The following STK11IP variants were observed in gnomAD, a reference collection of about 807,000 sequenced individuals.
The protein encoded by STK11IP is serine/threonine kinase 11 interacting protein.
STK11IP carries 103 observed loss-of-function variants against 131.7 expected under a neutral mutation model. The observed-to-expected ratio is 0.78, with a 90% confidence interval of 0.67 to 0.92. The LOEUF is 0.92. Ranked by LOEUF, STK11IP falls within the 40% of genes least tolerant of loss-of-function variation. The probability of loss-of-function intolerance (pLI) is 0.00; values close to 1 mark genes in which losing one functional copy is unlikely to be tolerated. For missense variants in STK11IP, 1,315 were observed against 1,385.7 expected (o/e 0.95, Z 0.81); for synonymous variants, 557 against 575.6 (o/e 0.97, Z 0.46).
At chr2:219,602,325 G>A in intron 5 of STK11IP, 143 bp from the exon 6 acceptor site, 1 of 686,860 alleles carries the variant, frequency 1.5e-6, no homozygotes, top group Non-Finnish European at 2.5e-6. Flanking sequence ...GAGTTCTTGG[G>A]TCAGGGACCT....
rs1341709685 is a variant in STK11IP at position 219,606,245 on chromosome 2, C to A, written c.900C>A (p.Ala300=). 7.0e-6 allele frequency: 11 copies of A among 1,573,296 alleles called. No individual in the cohort carries two copies. In the East Asian group the frequency reaches 2.6e-4, roughly 37 times the overall value. The change falls in exon 10 of 25, where the codon GCC becomes GCA. Residue 300 remains alanine, a synonymous_variant. Coordinates refer to ENST00000456909, the MANE Select transcript of STK11IP (RefSeq NM_052902.4). ...PLWFHPEHRA[A]TAQYLSPRAR... is the part of the protein sequence containing the mutation. ...GGTTCCACCCTGAGCACCGAGCAGC[C>A]ACTGCCCAGTACTTGTCACCCCGGG...
chr2:219,608,936 A>G, intron 15 of STK11IP, 148 bp downstream of exon 15: 2 of 1,096,104 alleles, frequency 1.8e-6, no homozygotes, highest in African/African-American at 1.6e-5. Flanking sequence ...GCACTCGGGA[A>G]GCTGGGCTGA....
At position 219,602,068 on chromosome 2, in the gene STK11IP, C is replaced by T. The variant is rs1235777892; in HGVS notation, c.423C>T (p.Ser141=). 6.2e-7 allele frequency: 1 copy of T among 1,606,202 alleles called. No homozygotes were observed. The highest frequency in any genetic ancestry group is 8.5e-7 in the Non-Finnish European group (1 of 1,176,416). ...TGGAGACCCTGATTTGCAGCAGGAG[C>T]CTCCAGGCATTAGAGGTAAGGAGAG... is the stretch of plus-strand genomic sequence containing the variant. ...SQLETLICSR[S]LQALEELLSA... is the part of the protein sequence containing the mutation. Residue 141 remains serine, a synonymous_variant, in exon 5 of 25, where the codon AGC becomes AGT. Transcript: ENST00000456909.
chr2:219,602,294 C>T (rs1280128128), intron 5 of STK11IP, among the ~76,000 whole-genome samples, 174 bp from the exon 6 acceptor site: 3 of 152,202 alleles, frequency 2.0e-5, no homozygotes, highest in African/African-American at 7.2e-5. Context: ...CTAGTGTCTA[C>T]CTTCCCACTG....
rs759894302 is a variant in STK11IP at position 219,608,794 on chromosome 2, T to G, written c.1809+6T>G. 28 of 1,592,414 alleles carry G rather than the reference T, an allele frequency of 1.8e-5. No individual in the cohort carries two copies. The South Asian group carries it at 2.9e-4, about 17-fold the overall frequency. On this transcript the variant is annotated splice_donor_region_variant and intron_variant, in intron 15 of 24. Transcript: ENST00000456909. Reference sequence around the variant, plus strand: ...AGAGGTCGCCCAGGCCCACGGTGAGTGGGGCGTGGCAGGGTCTCTGGAGGA... The same window carrying G: ...AGAGGTCGCCCAGGCCCACGGTGAGGGGGGCGTGGCAGGGTCTCTGGAGGA...
At chr2:219,597,988 C>T (rs766490959) in intron 1 of STK11IP, 65 bp downstream of exon 1, 102 of 1,596,924 alleles carry the variant, frequency 6.4e-5, no homozygotes, top group South Asian at 1.4e-4. Context: ...CCTCTCTTTT[C>T]TTTCTCGCCT....
In STK11IP at chr2:219,608,583, C is replaced by T. The variant is rs777415481; in HGVS notation, c.1604C>T (p.Ala535Val). 16 of 1,588,258 alleles carry T rather than the reference C, an allele frequency of 1.0e-5. No homozygotes were observed. The highest frequency in any genetic ancestry group is 1.2e-5 in the Non-Finnish European group (14 of 1,165,804). ...GCCTTTTCTCTTGGTCTCTCCACAG[C>T]GGAACTCTGTCGCCCCTTGTTGGTG... ...EEEQDQKEVE[A>V]ELCRPLLVCP... The change falls in exon 15 of 25, where the codon GCG becomes GTG. Residue 535 changes from alanine to valine, a missense_variant and splice_region_variant. By Grantham distance (64) the Ala-to-Val change is moderately conservative. Coordinates refer to ENST00000456909, the MANE Select transcript of STK11IP (RefSeq NM_052902.4).
intron 11 of STK11IP, 45 bp from the exon 12 acceptor site, chr2:219,606,667 C>G: frequency 6.3e-7 from 1 of 1,594,096 alleles, no homozygotes; most frequent in Non-Finnish European, 8.6e-7. Context: ...GGCAGAGGTG[C>G]TCCCAGGCTC....
rs368869920 is a variant in STK11IP at position 219,611,278 on chromosome 2, C to T, written c.2105-326C>T. Among the ~76,000 whole-genome samples, 86 of 152,262 alleles carry T rather than the reference C, an allele frequency of 5.6e-4. 1 individual carries two copies. Among genetic ancestry groups the T allele is most frequent in the African/African-American group, 2.0e-3 (84 of 41,542 alleles). On this transcript the variant is annotated intron_variant, in intron 17 of 24. Transcript: ENST00000456909. The stretch of plus-strand genomic sequence containing the variant: ...ACGTTGCTAGGAGAGCCCTGAAGTA[C>T]TTGATCAGCCCAAGTCTGTAAGAGG...
chr2:219,605,606 A>G lies in STK11IP; in HGVS notation c.619-2A>G. ...TCTTTTTCTCCCCTGTACCCCTGCC[A>G]GGATTTGTGTGAGCTCCACCATCTG... On this transcript the variant is annotated splice_acceptor_variant, in intron 7 of 24. Coordinates refer to ENST00000456909, the MANE Select transcript of STK11IP (RefSeq NM_052902.4). LOFTEE classifies it high-confidence loss of function. 1 of 1,551,680 alleles carries G rather than the reference A, an allele frequency of 6.4e-7. No homozygotes were observed. Among genetic ancestry groups the G allele is most frequent in the Non-Finnish European group, 8.7e-7 (1 of 1,147,010 alleles).
intron 17 of STK11IP, among the ~76,000 whole-genome samples, chr2:219,611,000 G>T (rs1250343431): frequency 3.3e-5 from 5 of 152,212 alleles, no homozygotes; most frequent in Non-Finnish European, 7.3e-5. Context: ...GCCCATCACG[G>T]TGTAGCTGCT....
intron 7 of STK11IP, among the ~76,000 whole-genome samples, chr2:219,604,822 CT>C (rs1335382645): frequency 1.3e-5 from 2 of 150,162 alleles, no homozygotes; most frequent in African/African-American, 4.9e-5. Flanking sequence ...TGTCAGTGGA[CT>C]TTTTTCCTTT....
Position 219,611,813 on chromosome 2 carries a change from G to A in STK11IP, c.2314G>A (p.Gly772Ser). Residue 772 changes from glycine to serine, a missense_variant, in exon 18 of 25, where the codon GGT (glycine) becomes AGT (serine). Physicochemically the swap from Gly to Ser is moderately conservative, Grantham distance 56. Transcript: ENST00000456909. ...PPQAPSTRDH[G>S]SWSLSPPPER... ...TCAGGCACCGAGCACCCGTGACCAT[G>A]GTAGTTGGAGCCTCAGTCCCCGTGA... is the stretch of plus-strand genomic sequence containing the variant. The A allele has an allele frequency of 6.2e-7, 1 of 1,612,718 alleles. No homozygotes were observed.
rs781661765 is a variant in STK11IP, at chr2:219,608,247, G to A, written c.1420G>A (p.Glu474Lys). 1.2e-6 allele frequency: 2 copies of A among 1,613,476 alleles called. No individual in the cohort carries two copies. The highest frequency in any genetic ancestry group is 2.2e-5 in the East Asian group (1 of 44,882). Residue 474 changes from glutamate (E) to lysine (K), a missense_variant, in exon 14 of 25, where the codon GAG becomes AAG. Glu to Lys is a moderately conservative substitution (Grantham distance 56, BLOSUM62 1). Transcript: ENST00000456909. The part of the protein sequence containing the change: ...DTAPRPSPPQ[E>K]EARGPQESPQ... Reference sequence around the variant, plus strand: ...TGCACCCAGACCTTCACCCCCGCAGGAGGAAGCCAGAGGCCCCCAGGAGTC... The same window carrying A: ...TGCACCCAGACCTTCACCCCCGCAGAAGGAAGCCAGAGGCCCCCAGGAGTC...
rs1389253410 is a variant in STK11IP, at chr2:219,608,031, T to C, written c.1220-16T>C. On this transcript the variant is annotated splice_polypyrimidine_tract_variant and intron_variant, in intron 13 of 24. Transcript: ENST00000456909. Reference sequence around the variant, plus strand: ...TGGGGCAGGCTTGCTCAGTTCTGGGTTCCCCTCCTGCCTAGGATGGTTCGT... The same window carrying C: ...TGGGGCAGGCTTGCTCAGTTCTGGGCTCCCCTCCTGCCTAGGATGGTTCGT... 1 of 1,604,850 alleles carries C rather than the reference T, an allele frequency of 6.2e-7. No homozygotes were observed. Among genetic ancestry groups the C allele is most frequent in the East Asian group, 2.2e-5 (1 of 44,738 alleles).
intron 22 of STK11IP, 53 bp downstream of exon 22, chr2:219,614,295 G>A (rs867447827): frequency 6.2e-7 from 1 of 1,602,650 alleles, no homozygotes; most frequent in Non-Finnish European, 8.5e-7. Flanking sequence ...TCTTTCCACA[G>A]AGCCCCAGAC....
rs1466345564 is a variant in STK11IP at position 219,598,114 on chromosome 2, G to T, written c.-6G>T. On this transcript the variant is annotated 5_prime_UTR_variant, in exon 2 of 25. Coordinates refer to ENST00000456909, the MANE Select transcript of STK11IP (RefSeq NM_052902.4). ...CCCAGGCTCCGCCCCCCAGCGTCCC[G>T]TGGCCATGACGACCGCTCAGAGGGA... The T allele has an allele frequency of 4.4e-6, 7 of 1,589,284 alleles. No individual in the cohort carries two copies. In the East Asian group the frequency reaches 1.4e-4, roughly 32 times the overall value.
intron 23 of STK11IP, chr2:219,614,888 G>C: frequency 1.5e-6 from 1 of 648,022 alleles, no homozygotes; most frequent in South Asian, 1.9e-5. Flanking sequence ...GTGGGGCAGT[G>C]GGGGGCGGTA....
chr2:219,600,106 A>G (rs536811699), intron 2 of STK11IP, among the ~76,000 whole-genome samples: 3 of 122,712 alleles, frequency 2.4e-5, no homozygotes, highest in African/African-American at 9.7e-5. Context: ...TCTGTCACCC[A>G]GGCTGGAGTG....
Sources: gnomAD v4.1 joint callset for allele counts (sites outside exome capture counted in the v4.1 genomes callset) on GRCh38, gnomAD v4.1.1 for gene constraint, MANE v1.5 for transcripts, NCBI Gene and HGNC (gene_info 2026-07-23, HGNC 2026-07-21) for gene names.